Variants in PBX1 observed in about 807,000 individuals in gnomAD.
The protein encoded by PBX1 is pre-B-cell leukemia transcription factor 1.
Under a neutral mutation model 53.4 loss-of-function variants are expected in PBX1, and 6 were observed. That is an observed-to-expected ratio of 0.11 (90% confidence interval 0.06 to 0.22). The LOEUF is 0.22. PBX1 is among the 10% of genes least tolerant of loss of function. The probability of loss-of-function intolerance (pLI) is 1.00; values close to 1 mark genes in which losing one functional copy is unlikely to be tolerated. For missense variants in PBX1, 251 were observed against 551.4 expected, an observed-to-expected ratio of 0.46 and a Z score of 5.46; for synonymous variants, 204 against 212.3, an observed-to-expected ratio of 0.96 and a Z score of 0.34.
intron 8 of PBX1, among the ~76,000 whole-genome samples, chr1:164,838,968 G>C (rs1053662234): frequency 6.6e-6 from 1 of 152,180 alleles, no homozygotes; most frequent in Non-Finnish European, 1.5e-5. Context: ...ATATCAAAGT[G>C]CTTCATGTAG....
At chr1:164,708,724 T>C (rs1663589110) in intron 2 of PBX1, among the ~76,000 whole-genome samples, 1 of 152,206 alleles carries the variant, frequency 6.6e-6, no homozygotes, top group Admixed American at 6.5e-5. Flanking sequence ...TATACAATCT[T>C]TACAACAAAT....
intron 2 of PBX1, among the ~76,000 whole-genome samples, chr1:164,880,485 T>C (rs1027718768): frequency 6.6e-6 from 1 of 152,242 alleles, no homozygotes; most frequent in Admixed American, 6.5e-5. Flanking sequence ...GGTCAGTCAA[T>C]GGCTGAGATC....
chr1:164,751,307 T>G (rs1477407857), intron 2 of PBX1, among the ~76,000 whole-genome samples: 3 of 139,342 alleles, frequency 2.2e-5, no homozygotes, highest in Non-Finnish European at 4.5e-5. Flanking sequence ...AGAGTGAGAC[T>G]CTGTCTCAAA....
intron 2 of PBX1, among the ~76,000 whole-genome samples, chr1:164,741,963 GA>G (rs1339855717): frequency 6.6e-6 from 1 of 151,650 alleles, no homozygotes; most frequent in Non-Finnish European, 1.5e-5. Context: ...ATTCTATCTG[GA>G]AAAATATAAA....
intron 2 of PBX1, among the ~76,000 whole-genome samples, chr1:164,668,808 A>G (rs1204352568): frequency 6.6e-6 from 1 of 152,188 alleles, no homozygotes; most frequent in East Asian, 1.9e-4. Flanking sequence ...AATGATATGT[A>G]AATATCCTTG....
chr1:164,729,684 G>A (rs1388529310), intron 2 of PBX1, among the ~76,000 whole-genome samples: 1 of 152,056 alleles, frequency 6.6e-6, no homozygotes, highest in African/African-American at 2.4e-5. Flanking sequence ...GAGAGGTTAG[G>A]CAACTTGCTG....
At chr1:164,823,520 T>A (rs1292782571) in intron 8 of PBX1, among the ~76,000 whole-genome samples, 1 of 143,856 alleles carries the variant, frequency 7.0e-6, no homozygotes. Context: ...TCCACATGAC[T>A]GGGCAGGAAA....
intron 2 of PBX1, among the ~76,000 whole-genome samples, chr1:164,590,048 T>C (rs944820214): frequency 6.7e-6 from 1 of 148,600 alleles, no homozygotes; most frequent in Non-Finnish European, 1.5e-5. Context: ...TTTCTACAAA[T>C]AGTAATAATA....
chr1:164,875,239 G>A (rs956741014), intron 2 of PBX1, among the ~76,000 whole-genome samples: 6 of 152,154 alleles, frequency 3.9e-5, no homozygotes, highest in Non-Finnish European at 7.3e-5. Context: ...ACTGGGCTGG[G>A]AAGCTGTCAA....
intron 2 of PBX1, among the ~76,000 whole-genome samples, chr1:164,588,267 G>A (rs1655091255): frequency 6.6e-6 from 1 of 152,118 alleles, no homozygotes; most frequent in Non-Finnish European, 1.5e-5. Context: ...AGGTGAAAGA[G>A]TTTCAGCTGG....
chr1:164,846,922 T>G lies in PBX1; in HGVS notation c.*246T>G. 2.2e-6 allele frequency: 3 copies of G among 1,365,970 alleles called. No individual in the cohort carries two copies. The highest frequency in any genetic ancestry group is 2.8e-6 in the Non-Finnish European group (3 of 1,057,778). The allele number at this position is 1,365,970 out of a possible 1,614,324, so 84.6% of individuals were successfully genotyped here. On this transcript the variant is annotated 3_prime_UTR_variant, in exon 9 of 9. Transcript: ENST00000420696. ...TCCCTGCCTCCAGCTGTCAGCCTGGTTTTCGTCATCTTCCCTGCCCCTGTG... is the reference window on the plus strand; with the variant it reads ...TCCCTGCCTCCAGCTGTCAGCCTGGGTTTCGTCATCTTCCCTGCCCCTGTG...
chr1:164,617,137 C>G (rs546358966), intron 2 of PBX1, among the ~76,000 whole-genome samples: 5 of 151,968 alleles, frequency 3.3e-5, no homozygotes, highest in Admixed American at 6.5e-5. Flanking sequence ...AATTTTTATC[C>G]CCCCTAGAGA....
rs1295908467 is a variant in PBX1 at position 164,846,688 on chromosome 1, T to G, written c.*12T>G. On this transcript the variant is annotated 3_prime_UTR_variant, in exon 9 of 9. Coordinates refer to ENST00000420696, the MANE Select transcript of PBX1 (RefSeq NM_002585.4). ...ATACCTCCAACTGATCTCCCAGCAA[T>G]CGCATCCCGGCTGACCCTGTGCCCC... 7 of 1,613,984 alleles carry G rather than the reference T, an allele frequency of 4.3e-6. No individual in the cohort carries two copies. The highest frequency in any genetic ancestry group is 5.9e-6 in the Non-Finnish European group (7 of 1,179,920).
chr1:164,671,471 C>A (rs976907402), intron 2 of PBX1, among the ~76,000 whole-genome samples: 2 of 152,126 alleles, frequency 1.3e-5, no homozygotes, highest in African/African-American at 4.8e-5. Context: ...CACTCGCCTG[C>A]CAGTGCATGT....
intron 2 of PBX1, among the ~76,000 whole-genome samples, chr1:164,716,333 C>G (rs2102089998): frequency 6.6e-6 from 1 of 152,082 alleles, no homozygotes; most frequent in East Asian, 1.9e-4. Context: ...AGATCCTTAC[C>G]CCCTTGAAAA....
chr1:164,736,235 A>G (rs1180155147), intron 2 of PBX1, among the ~76,000 whole-genome samples: 2 of 152,136 alleles, frequency 1.3e-5, no homozygotes, highest in African/African-American at 4.8e-5. Flanking sequence ...AAATCATTAT[A>G]ATTACCATTA....
rs150565012 is a variant in PBX1 at position 164,819,718 on chromosome 1, C to G, written c.998-354C>G. On this transcript the variant is annotated intron_variant, in intron 6 of 8. Coordinates refer to ENST00000420696, the MANE Select transcript of PBX1 (RefSeq NM_002585.4). Reference sequence around the variant, plus strand: ...TAGCCTCCATCTTGTGGTCCCCTGGCCAACCCTAGAATTTTAGAGGCATAG... The same window carrying G: ...TAGCCTCCATCTTGTGGTCCCCTGGGCAACCCTAGAATTTTAGAGGCATAG... 127 of 175,244 alleles carry G rather than the reference C, an allele frequency of 7.2e-4. 1 individual carries two copies. The highest frequency in any genetic ancestry group is 2.9e-3 in the African/African-American group (124 of 42,230). 10.9% of individuals were successfully genotyped at this position (175,244 alleles called of 1,614,324 possible).
At chr1:164,650,382 C>T (rs1659729421) in intron 2 of PBX1, among the ~76,000 whole-genome samples, 1 of 152,058 alleles carries the variant, frequency 6.6e-6, no homozygotes, top group African/African-American at 2.4e-5. Flanking sequence ...GCACCTGCTA[C>T]CATGCCTGAC....
intron 2 of PBX1, among the ~76,000 whole-genome samples, chr1:164,593,379 C>A (rs189915049): frequency 6.6e-6 from 1 of 152,048 alleles, no homozygotes; most frequent in East Asian, 1.9e-4. Flanking sequence ...TTAGGTGGAC[C>A]CCAGGTGCCA....
Sources: allele counts gnomAD v4.1 joint callset (sites outside exome capture counted in the v4.1 genomes callset), GRCh38; gene constraint gnomAD v4.1.1; transcripts MANE v1.5; gene names NCBI Gene and HGNC (gene_info 2026-07-23, HGNC 2026-07-21).